Variants in MANBA observed in about 807,000 individuals in gnomAD.
MANBA encodes the protein mannosidase beta.
In MANBA, 83 loss-of-function variants were observed where a neutral mutation model predicts 111.1. That is an observed-to-expected ratio of 0.75 (90% CI 0.63 to 0.90). MANBA has a LOEUF of 0.90. Among genes scored for constraint, MANBA ranks in the 40% least tolerant of loss-of-function variants. The probability of loss-of-function intolerance (pLI) is 0.00; values close to 1 mark genes in which losing one functional copy is unlikely to be tolerated. For synonymous variants in MANBA, 370 were observed against 378.7 expected (o/e 0.98, Z 0.27); for missense variants, 1,036 against 1,069.0 (o/e 0.97, Z 0.43).
intron 1 of MANBA, chr4:102,728,627 C>G (rs369281933): frequency 3.9e-6 from 2 of 506,368 alleles, no homozygotes; most frequent in East Asian, 4.0e-5. Flanking sequence ...AGTAAACTAC[C>G]CTGTGGGTGG....
rs78170878 is a variant in MANBA at position 102,670,127 on chromosome 4, C to T, written c.1231-1078G>A. On this transcript the variant is annotated intron_variant, in intron 9 of 16. Transcript: ENST00000647097. ...CCAAGATCGCACCACTGCATTCCAGCCTAGGCAACAGAGCCAGACTCCATA... is the reference window on the plus strand; with the variant it reads ...CCAAGATCGCACCACTGCATTCCAGTCTAGGCAACAGAGCCAGACTCCATA... Among the ~76,000 whole-genome samples the T allele has an allele frequency of 6.9e-4, 101 of 147,022 alleles. 1 individual carries two copies. The East Asian group carries it at 0.018, about 26-fold the overall frequency.
intron 1 of MANBA, among the ~76,000 whole-genome samples, chr4:102,757,856 C>G (rs1286158721): frequency 6.6e-6 from 1 of 152,210 alleles, no homozygotes; most frequent in Non-Finnish European, 1.5e-5. Flanking sequence ...GGCTCACAGC[C>G]TTTCATGATG....
intron 9 of MANBA, among the ~76,000 whole-genome samples, chr4:102,669,929 A>G (rs1206568732): frequency 2.0e-5 from 3 of 152,108 alleles, no homozygotes; most frequent in South Asian, 4.1e-4. Flanking sequence ...GCAGTGAGCC[A>G]AGATTGTGCC....
At chr4:102,673,894 CA>C in intron 8 of MANBA, 24 bp downstream of exon 8, 1 of 1,594,232 alleles carries the variant, frequency 6.3e-7, no homozygotes, top group Non-Finnish European at 8.6e-7. Context: ...AAAAGAAGAA[CA>C]AGAAAAGAAA....
At chr4:102,703,567 G>A (rs745978670) in intron 5 of MANBA, among the ~76,000 whole-genome samples, 134 of 152,274 alleles carry the variant, frequency 8.8e-4, no homozygotes, top group Non-Finnish European at 6.8e-4. Flanking sequence ...TGCTCCTGGG[G>A]ATAACATCAC....
intron 11 of MANBA, chr4:102,663,199 G>C (rs539646625): frequency 1.3e-5 from 2 of 151,750 alleles, no homozygotes; most frequent in South Asian, 4.2e-4. Context: ...GTTACTATGC[G>C]TCAGACTGAG....
rs1723308715 is a variant in MANBA, at chr4:102,738,898, A to G, written c.178-12215T>C. The stretch of plus-strand genomic sequence containing the variant: ...AAAGGTCTCCAGAGAAACAGATATC[A>G]TAAAGAAAAAACAATCACAACTTCT... On this transcript the variant is annotated intron_variant, in intron 1 of 16. Coordinates refer to ENST00000647097, the MANE Select transcript of MANBA (RefSeq NM_005908.4). 2.0e-5 allele frequency among the ~76,000 whole-genome samples: 3 copies of G among 152,360 alleles called. No homozygotes were observed. The East Asian group carries it at 5.8e-4, about 29-fold the overall frequency.
intron 1 of MANBA, among the ~76,000 whole-genome samples, chr4:102,731,238 A>AGG (rs909027958): frequency 9.9e-5 from 15 of 151,966 alleles, no homozygotes; most frequent in African/African-American, 3.6e-4. Context: ...CAAAACCACC[A>AGG]GTATCAGCAG....
intron 5 of MANBA, among the ~76,000 whole-genome samples, chr4:102,706,598 C>T (rs1027340855): frequency 6.6e-5 from 10 of 151,728 alleles, no homozygotes; most frequent in Non-Finnish European, 1.3e-4. Context: ...AATTATCCAA[C>T]AACAGATTCC....
At chr4:102,645,375 C>A (rs1371610011) in intron 13 of MANBA, among the ~76,000 whole-genome samples, 1 of 151,996 alleles carries the variant, frequency 6.6e-6, no homozygotes, top group African/African-American at 2.4e-5. Flanking sequence ...GTTGGCTTCA[C>A]AGAATGAGTT....
At chr4:102,722,816 T>C (rs1387165469) in intron 4 of MANBA, 55 bp downstream of exon 4, 13 of 1,551,976 alleles carry the variant, frequency 8.4e-6, no homozygotes, top group Admixed American at 5.0e-5. Context: ...GCATTTCATA[T>C]GCCAGCACAC....
chr4:102,669,775 T>G (rs148789917), intron 9 of MANBA, among the ~76,000 whole-genome samples: 10 of 152,120 alleles, frequency 6.6e-5, no homozygotes, highest in African/African-American at 2.4e-4. Context: ...GGTCAGGAGA[T>G]CGAGACCATC....
intron 1 of MANBA, among the ~76,000 whole-genome samples, chr4:102,731,070 A>G (rs1723017309): frequency 6.6e-6 from 1 of 152,142 alleles, no homozygotes; most frequent in Non-Finnish European, 1.5e-5. Flanking sequence ...GCACAGAGAT[A>G]GGGACTGCGT....
intron 7 of MANBA, among the ~76,000 whole-genome samples, chr4:102,686,928 C>T (rs1732243431): frequency 6.6e-6 from 1 of 152,154 alleles, no homozygotes; most frequent in Non-Finnish European, 1.5e-5. Context: ...CATGCAATCC[C>T]TAAGCTTAAG....
intron 1 of MANBA, among the ~76,000 whole-genome samples, chr4:102,744,253 C>A (rs941508882): frequency 2.0e-5 from 3 of 152,148 alleles, no homozygotes; most frequent in African/African-American, 7.2e-5. Context: ...GGCCCCATAC[C>A]ACTGGACCCC....
At chr4:102,727,567 G>A (rs1173619534) in intron 1 of MANBA, 45 of 1,605,970 alleles carry the variant, frequency 2.8e-5, no homozygotes, top group Non-Finnish European at 3.8e-5. Context: ...ATCACCTGGG[G>A]ACGAGAGCAA....
At chr4:102,700,326 T>G (rs997391243) in intron 5 of MANBA, among the ~76,000 whole-genome samples, 1 of 151,788 alleles carries the variant, frequency 6.6e-6, no homozygotes, top group Non-Finnish European at 1.5e-5. Flanking sequence ...GATTCATTAA[T>G]TTTTTGAAGG....
At chr4:102,748,357 C>T (rs78236212) in intron 1 of MANBA, among the ~76,000 whole-genome samples, 138 of 152,174 alleles carry the variant, frequency 9.1e-4, no homozygotes, top group African/African-American at 3.2e-3. Flanking sequence ...TGATAGCTAT[C>T]TTTTCTATTA....
At chr4:102,634,363 C>T (rs970188569) in intron 16 of MANBA, among the ~76,000 whole-genome samples, 2 of 152,198 alleles carry the variant, frequency 1.3e-5, no homozygotes, top group African/African-American at 2.4e-5. Flanking sequence ...TACAGGACCT[C>T]GAGCTCATCA....
Sources: allele counts gnomAD v4.1 joint callset (sites outside exome capture counted in the v4.1 genomes callset), GRCh38; gene constraint gnomAD v4.1.1; transcripts MANE v1.5; gene names NCBI Gene and HGNC (gene_info 2026-07-23, HGNC 2026-07-21).